UBAP2: variants seen among roughly 807,000 people sequenced by gnomAD.
UBAP2 encodes ubiquitin associated protein 2, also known as ubiquitin-associated protein 2.
UBAP2 carries 75 observed loss-of-function variants against 139.6 expected under a neutral mutation model. That is an observed-to-expected ratio of 0.54 (90% confidence interval 0.45 to 0.65). The LOEUF (loss-of-function observed/expected upper bound fraction) is 0.65. Among genes scored for constraint, UBAP2 ranks in the 30% least tolerant of loss-of-function variants. The probability of loss-of-function intolerance (pLI) is 0.00; values close to 1 mark genes in which losing one functional copy is unlikely to be tolerated. For missense variants in UBAP2, 1,368 were observed against 1,369.6 expected (o/e 1.00, Z 0.02); for synonymous variants, 526 against 526.2 (o/e 1.00, Z 0.01).
At chr9:34,018,607 T>C (rs755844777) in intron 1 of UBAP2, among the ~76,000 whole-genome samples, 1 of 152,230 alleles carries the variant, frequency 6.6e-6, no homozygotes, top group South Asian at 2.1e-4. Context: ...CTCACGCCTG[T>C]AATCCCAGCA....
In UBAP2 at chr9:33,948,563, C is replaced by G. The variant is rs1327269175; in HGVS notation, c.1081G>C (p.Gly361Arg). 6.2e-7 allele frequency: 1 copy of G among 1,614,032 alleles called. No individual in the cohort carries two copies. Among genetic ancestry groups the G allele is most frequent in the Non-Finnish European group, 8.5e-7 (1 of 1,180,036 alleles). ...GCCATTTTTGGTGGTGCAAGCTCTC[C>G]AAATCCTGAGCCAAGGACGGATGAC... ...SLSSVLGSGF[G>R]ELAPPKMANI... The change falls in exon 13 of 29, where the codon GGA becomes CGA. Residue 361 changes from glycine (G) to arginine (R), a missense_variant. Transcript: ENST00000379238.
intron 8 of UBAP2, 87 bp from the exon 9 acceptor site, chr9:33,963,878 T>G (rs1359009142): frequency 1.0e-6 from 1 of 954,970 alleles, no homozygotes; most frequent in African/African-American, 1.6e-5. Context: ...GTCAAAGCTA[T>G]GTATATGCTG....
chr9:33,990,109 C>CTATAGTCAAGTGGA (rs1821572565), intron 4 of UBAP2, among the ~76,000 whole-genome samples: 1 of 151,924 alleles, frequency 6.6e-6, no homozygotes, highest in South Asian at 2.1e-4. Flanking sequence ...ACATTCTTGA[C>CTATAGTCAAGTGGA]TATAAGTGGA....
At chr9:34,007,165 C>G (rs936719187) in intron 2 of UBAP2, among the ~76,000 whole-genome samples, 2 of 152,010 alleles carry the variant, frequency 1.3e-5, no homozygotes, top group South Asian at 4.1e-4. Context: ...CCTTTATTTC[C>G]TTCTCTTGCC....
At chr9:33,991,991 C>G (rs1265216744) in intron 4 of UBAP2, among the ~76,000 whole-genome samples, 1 of 152,142 alleles carries the variant, frequency 6.6e-6, no homozygotes, top group Admixed American at 6.5e-5. Flanking sequence ...CGGTGGCTCA[C>G]ACCTGTAATC....
At chr9:34,046,643 CAAA>C (rs59971755) in intron 1 of UBAP2, among the ~76,000 whole-genome samples, 374 of 122,028 alleles carry the variant, frequency 3.1e-3, no homozygotes, top group Non-Finnish European at 4.3e-3. Context: ...GACTCCATCT[CAAA>C]AAAAAAAAAA....
At chr9:34,040,323 C>CAAAAA (rs56317641) in intron 1 of UBAP2, among the ~76,000 whole-genome samples, 42 of 88,854 alleles carry the variant, frequency 4.7e-4, no homozygotes, top group African/African-American at 1.3e-3. Context: ...GACTCTGTCT[C>CAAAAA]AAAAAAAAAA....
At chr9:34,008,506 G>A (rs956476594) in intron 2 of UBAP2, among the ~76,000 whole-genome samples, 2 of 152,114 alleles carry the variant, frequency 1.3e-5, no homozygotes, top group Admixed American at 6.6e-5. Flanking sequence ...CACTTTGGGA[G>A]GCTGAGGCAG....
chr9:34,005,485 A>T (rs1823126989), intron 2 of UBAP2, among the ~76,000 whole-genome samples: 1 of 151,450 alleles, frequency 6.6e-6, no homozygotes. Context: ...CATATCTCTA[A>T]GTTTTTCTAT....
At chr9:33,998,940 A>AT (rs1822440002) in intron 2 of UBAP2, 76 bp from the exon 3 acceptor site, 4 of 1,221,650 alleles carry the variant, frequency 3.3e-6, no homozygotes, top group Non-Finnish European at 4.7e-6. Context: ...GGTCAAACAG[A>AT]TAAGGCTCTC....
intron 8 of UBAP2, among the ~76,000 whole-genome samples, chr9:33,964,483 C>T (rs571479280): frequency 6.6e-6 from 1 of 152,176 alleles, no homozygotes; most frequent in Non-Finnish European, 1.5e-5. Context: ...TCAACACTTG[C>T]ACAACATTCG....
At chr9:33,968,590 T>C (rs965014015) in intron 8 of UBAP2, 15 of 317,610 alleles carry the variant, frequency 4.7e-5, no homozygotes, top group Non-Finnish European at 9.3e-5. Flanking sequence ...GTTTTAATCA[T>C]GAACGAATAT....
At chr9:33,927,762 C>T (rs1823580334) in intron 20 of UBAP2, 35 bp downstream of exon 20, 1 of 1,576,984 alleles carries the variant, frequency 6.3e-7, no homozygotes. Context: ...TTGAGGGGCT[C>T]AGGGGTGGGC....
intron 24 of UBAP2, 78 bp downstream of exon 24, chr9:33,923,717 C>T: frequency 6.8e-7 from 1 of 1,465,046 alleles, no homozygotes; most frequent in Non-Finnish European, 9.5e-7. Context: ...TCCCTCCCTG[C>T]TGGAAGATAG....
intron 1 of UBAP2, among the ~76,000 whole-genome samples, chr9:34,047,566 T>C (rs1248617649): frequency 6.6e-6 from 1 of 152,240 alleles, no homozygotes; most frequent in Non-Finnish European, 1.5e-5. Flanking sequence ...ACTAGTCGCA[T>C]ACCCCTTGTT....
intron 2 of UBAP2, among the ~76,000 whole-genome samples, chr9:34,008,947 C>A (rs1428871568): frequency 9.0e-6 from 1 of 111,586 alleles, no homozygotes; most frequent in Non-Finnish European, 1.7e-5. Flanking sequence ...CCTGGCGACA[C>A]AGCGAGACTG....
intron 2 of UBAP2, among the ~76,000 whole-genome samples, chr9:34,016,290 G>A (rs1201734412): frequency 4.8e-4 from 14 of 28,882 alleles, no homozygotes; most frequent in Non-Finnish European, 1.0e-3. Context: ...AAGAGGAGGA[G>A]GAGGAAGAGG....
chr9:34,038,404 T>C (rs1320110929), intron 1 of UBAP2, among the ~76,000 whole-genome samples: 1 of 152,230 alleles, frequency 6.6e-6, no homozygotes, highest in African/African-American at 2.4e-5. Context: ...TGCCTCGGCC[T>C]GCCAAGTGCC....
intron 17 of UBAP2, 46 bp downstream of exon 17, chr9:33,935,789 CTGTT>C: frequency 5.0e-6 from 8 of 1,608,768 alleles, no homozygotes; most frequent in Non-Finnish European, 6.8e-6. Context: ...TCCTCTTCCT[CTGTT>C]TGGTTGGCAC....
Sources: allele counts gnomAD v4.1 joint callset (sites outside exome capture counted in the v4.1 genomes callset), GRCh38; gene constraint gnomAD v4.1.1; transcripts MANE v1.5; gene names NCBI Gene and HGNC (gene_info 2026-07-23, HGNC 2026-07-21).